CBFB: variants seen among roughly 807,000 people sequenced by gnomAD.
The protein encoded by CBFB is core-binding factor subunit beta, also known as CBF-beta.
A neutral mutation model predicts 30.4 loss-of-function variants in CBFB; 9 were observed. The observed-to-expected ratio is 0.30, with a 90% CI of 0.18 to 0.52. CBFB has a LOEUF of 0.52. Ranked by LOEUF, CBFB falls within the 20% of genes least tolerant of loss-of-function variation. CBFB has a pLI of 0.97. For missense variants in CBFB, 170 were observed against 244.0 expected (o/e 0.70, Z 2.02); for synonymous variants, 94 against 84.0 (o/e 1.12, Z -0.65).
At chr16:67,046,573 T>A (rs2145725376) in intron 3 of CBFB, among the ~76,000 whole-genome samples, 1 of 152,318 alleles carries the variant, frequency 6.6e-6, no homozygotes, top group African/African-American at 2.4e-5. Context: ...GTTCACCTAT[T>A]TTAAGTGTAC....
At chr16:67,035,456 AT>A (rs1338472612) in intron 2 of CBFB, among the ~76,000 whole-genome samples, 4 of 152,212 alleles carry the variant, frequency 2.6e-5, no homozygotes, top group African/African-American at 9.6e-5. Flanking sequence ...CATTTACCAC[AT>A]GAAAATGGTA....
chr16:67,048,787 T>G (rs1010166436), intron 3 of CBFB, among the ~76,000 whole-genome samples: 4 of 151,400 alleles, frequency 2.6e-5, no homozygotes, highest in Admixed American at 2.0e-4. Context: ...TCTCTTGACC[T>G]TGTGAGCCAC....
At chr16:67,080,833 A>T (rs1463075272) in intron 4 of CBFB, among the ~76,000 whole-genome samples, 1 of 152,060 alleles carries the variant, frequency 6.6e-6, no homozygotes, top group Non-Finnish European at 1.5e-5. Flanking sequence ...ATTCATCAGG[A>T]TTTTATTTTG....
intron 5 of CBFB, among the ~76,000 whole-genome samples, chr16:67,090,945 C>T (rs534328973): frequency 2.0e-5 from 3 of 152,308 alleles, no homozygotes; most frequent in Non-Finnish European, 4.4e-5. Context: ...ATCTCAGCCT[C>T]TATTTATTTT....
chr16:67,068,866 TAAGTA>T lies in CBFB; in HGVS notation c.399+2069_399+2073del, dbSNP rs1334242719. Among the ~76,000 whole-genome samples the T allele has an allele frequency of 3.9e-5, 6 of 152,252 alleles. No individual in the cohort carries two copies. The South Asian group carries it at 8.3e-4, about 21-fold the overall frequency. On this transcript the variant is annotated intron_variant, in intron 4 of 5. Coordinates refer to ENST00000412916, the MANE Select transcript of CBFB (RefSeq NM_022845.3). ...GGAAATTATGATGGCAGTGACTAAT[TAAGTA>T]GAGTATATCAATAAAGGGATCTAAA...
At chr16:67,070,537 T>C (rs1961189443) in intron 4 of CBFB, among the ~76,000 whole-genome samples, 1 of 152,158 alleles carries the variant, frequency 6.6e-6, no homozygotes, top group African/African-American at 2.4e-5. Context: ...AAATTCAGAT[T>C]GGATTGACTT....
intron 3 of CBFB, among the ~76,000 whole-genome samples, chr16:67,060,757 G>A (rs1199563850): frequency 2.0e-5 from 3 of 152,122 alleles, no homozygotes; most frequent in Admixed American, 6.5e-5. Flanking sequence ...GTTTCTCCAT[G>A]TTGGTCAGGC....
chr16:67,035,363 T>A (rs1306702985), intron 2 of CBFB, among the ~76,000 whole-genome samples: 1 of 152,120 alleles, frequency 6.6e-6, no homozygotes, highest in Non-Finnish European at 1.5e-5. Flanking sequence ...GGATTACGAG[T>A]GTGAACCACT....
chr16:67,085,131 T>A (rs1961685035), intron 5 of CBFB, among the ~76,000 whole-genome samples: 1 of 152,022 alleles, frequency 6.6e-6, no homozygotes, highest in African/African-American at 2.4e-5. Flanking sequence ...GTGGTTAGTG[T>A]ATGAAATAAA....
chr16:67,089,598 C>A (rs2145780137), intron 5 of CBFB, among the ~76,000 whole-genome samples: 1 of 152,172 alleles, frequency 6.6e-6, no homozygotes, highest in South Asian at 2.1e-4. Context: ...ATACAGAGCC[C>A]CACTGTATAA....
At chr16:67,039,852 T>C (rs1185782426) in intron 3 of CBFB, among the ~76,000 whole-genome samples, 2 of 152,256 alleles carry the variant, frequency 1.3e-5, no homozygotes, top group East Asian at 1.9e-4. Context: ...AACAATTGAG[T>C]GTGGCTGTGT....
intron 3 of CBFB, among the ~76,000 whole-genome samples, chr16:67,042,585 C>T (rs1005443186): frequency 1.6e-4 from 24 of 151,886 alleles, no homozygotes; most frequent in African/African-American, 5.6e-4. Flanking sequence ...GCCTCAGTGT[C>T]TCTCATGAGG....
In CBFB at chr16:67,066,811, C is replaced by T. The variant is rs970868291; in HGVS notation, c.399+13C>T. On this transcript the variant is annotated intron_variant, in intron 4 of 5. Coordinates refer to ENST00000412916, the MANE Select transcript of CBFB (RefSeq NM_022845.3). Reference sequence around the variant, plus strand: ...GGAGCGAGCCCAGGTAGGGTAACATCAGGCTTTATTGAGCATGGTCCCTTT... The same window carrying T: ...GGAGCGAGCCCAGGTAGGGTAACATTAGGCTTTATTGAGCATGGTCCCTTT... The T allele has an allele frequency of 2.0e-6, 3 of 1,466,850 alleles. No individual in the cohort carries two copies. Among genetic ancestry groups the T allele is most frequent in the South Asian group, 1.1e-5 (1 of 88,058 alleles). The allele number at this position is 1,466,850 out of a possible 1,614,324, so 90.9% of individuals were successfully genotyped here.
intron 5 of CBFB, among the ~76,000 whole-genome samples, chr16:67,095,922 C>T (rs146986228): frequency 0.021 from 3,156 of 151,518 alleles, 100 homozygotes; most frequent in African/African-American, 0.072. Context: ...GAACTCCTGA[C>T]CTCAGGTGAT....
chr16:67,098,873 C>A lies in CBFB; in HGVS notation c.*95C>A. ...ATTAAAAGACCAGAAACTGTGATAA[C>A]TGGAGGTACTACGGTCTATTTCTCA... On this transcript the variant is annotated 3_prime_UTR_variant, in exon 6 of 6. Transcript: ENST00000412916. 1.3e-6 allele frequency: 1 copy of A among 785,900 alleles called. No homozygotes were observed. The allele number at this position is 785,900 out of a possible 1,614,324, so 48.7% of individuals were successfully genotyped here. A position where few individuals can be genotyped will look rare whatever the true frequency, so the allele number is the denominator to read the frequency against.
intron 2 of CBFB, among the ~76,000 whole-genome samples, chr16:67,031,429 G>T (rs1218753240): frequency 6.6e-6 from 1 of 152,236 alleles, no homozygotes; most frequent in African/African-American, 2.4e-5. Flanking sequence ...CAAAGGGAAG[G>T]TGGTATACCT....
chr16:67,063,026 G>A (rs910748576), intron 3 of CBFB, among the ~76,000 whole-genome samples: 12 of 152,078 alleles, frequency 7.9e-5, no homozygotes, highest in African/African-American at 2.9e-4. Context: ...TTCTAACAGG[G>A]TTTAAGATTA....
intron 4 of CBFB, among the ~76,000 whole-genome samples, chr16:67,078,895 G>A (rs1567620530): frequency 1.3e-5 from 2 of 152,120 alleles, no homozygotes; most frequent in Admixed American, 6.5e-5. Context: ...CCAAACTCAG[G>A]TGACCCACCG....
chr16:67,055,440 A>G (rs1960692979), intron 3 of CBFB, among the ~76,000 whole-genome samples: 1 of 129,464 alleles, frequency 7.7e-6, no homozygotes, highest in Non-Finnish European at 1.5e-5. Context: ...ATCTCGGCTC[A>G]CTGCAAGCTC....
Sources: gnomAD v4.1 joint callset for allele counts (sites outside exome capture counted in the v4.1 genomes callset) on GRCh38, gnomAD v4.1.1 for gene constraint, MANE v1.5 for transcripts, NCBI Gene and HGNC (gene_info 2026-07-23, HGNC 2026-07-21) for gene names.